CEP290: variants seen among roughly 807,000 people sequenced by gnomAD.
CEP290 encodes the protein centrosomal protein 290, also known as centrosomal protein of 290 kDa.
In CEP290, 317 loss-of-function variants were observed where a neutral mutation model predicts 344.9. That is an observed-to-expected ratio of 0.92 (90% confidence interval 0.84 to 1.01). The LOEUF (loss-of-function observed/expected upper bound fraction) is 1.01, where lower values mean the gene tolerates loss of function less well. Ranked by LOEUF, CEP290 falls within the 50% of genes least tolerant of loss-of-function variation. The pLI is 0.00. For missense variants in CEP290, 2,754 were observed against 2,761.4 expected, an observed-to-expected ratio of 1.00 and a Z score of 0.06; for synonymous variants, 932 against 895.8, an observed-to-expected ratio of 1.04 and a Z score of -0.72.
chr12:88,062,151 A>C (rs1362461009), intron 46 of CEP290, among the ~76,000 whole-genome samples: 1 of 152,194 alleles, frequency 6.6e-6, no homozygotes, highest in Non-Finnish European at 1.5e-5. Flanking sequence ...TACTACCAGA[A>C]TGACTCTGCA....
At chr12:88,084,456 G>C in intron 35 of CEP290, 130 bp downstream of exon 35, 1 of 842,720 alleles carries the variant, frequency 1.2e-6, no homozygotes, top group Non-Finnish European at 1.8e-6. Context: ...CCAATCACAT[G>C]CAAGTAACAA....
Position 88,106,658 on chromosome 12 carries a change from A to G in CEP290, c.2817+17T>C, listed in dbSNP as rs780234370. 9 of 1,562,814 alleles carry G rather than the reference A, an allele frequency of 5.8e-6. No individual in the cohort carries two copies. Among genetic ancestry groups the G allele is most frequent in the Admixed American group, 1.9e-5 (1 of 51,912 alleles). On this transcript the variant is annotated intron_variant, in intron 25 of 53. Coordinates refer to ENST00000552810, the MANE Select transcript of CEP290 (RefSeq NM_025114.4). ...ATTTTTCATAGTCAGAAAAAGCAAAATAAGAATCAGATGTACCTTAAATCT... is the reference window on the plus strand; with the variant it reads ...ATTTTTCATAGTCAGAAAAAGCAAAGTAAGAATCAGATGTACCTTAAATCT...
intron 38 of CEP290, 60 bp downstream of exon 38, chr12:88,080,122 T>C (rs2036083543): frequency 9.0e-7 from 1 of 1,110,192 alleles, no homozygotes; most frequent in African/African-American, 1.6e-5. Flanking sequence ...ACAAATCTTC[T>C]CTAAAAGCAA....
chr12:88,070,900 G>C (rs539273430), intron 43 of CEP290, among the ~76,000 whole-genome samples: 9 of 151,992 alleles, frequency 5.9e-5, no homozygotes, highest in Non-Finnish European at 1.0e-4. Flanking sequence ...TGAACTAATG[G>C]TACATAGCTC....
chr12:88,131,063 T>C (rs1444166132), intron 7 of CEP290, 102 bp downstream of exon 7: 1 of 889,170 alleles, frequency 1.1e-6, no homozygotes, highest in Non-Finnish European at 1.6e-6. Flanking sequence ...ATCAGTTACT[T>C]AGAAGACTCC....
At position 88,086,455 on chromosome 12, in the gene CEP290, T is replaced by A; in HGVS notation, c.4238A>T (p.Asp1413Val). The change falls in exon 33 of 54, where the codon GAC (aspartate) becomes GTC (valine). Residue 1413 changes from aspartate to valine, a missense_variant. Transcript: ENST00000552810. The stretch of plus-strand genomic sequence containing the variant: ...AAAAATGTCTAGTTGGCGTTCCAGG[T>A]CAACTTCTCTTTGATCCCAGGCCAT... ...RQMAWDQREVDLERQLDIFDR... is the reference protein window; with the variant it reads ...RQMAWDQREVVLERQLDIFDR... 5 of 1,600,462 alleles carry A rather than the reference T, an allele frequency of 3.1e-6. No individual in the cohort carries two copies. Among genetic ancestry groups the A allele is most frequent in the Non-Finnish European group, 4.3e-6 (5 of 1,172,100 alleles).
intron 1 of CEP290, among the ~76,000 whole-genome samples, 157 bp downstream of exon 1, chr12:88,141,743 A>G (rs1350371705): frequency 6.6e-6 from 1 of 152,148 alleles, no homozygotes; most frequent in Non-Finnish European, 1.5e-5. Context: ...ATTTGGAATG[A>G]GTGAAGTTGT....
intron 6 of CEP290, among the ~76,000 whole-genome samples, chr12:88,133,854 A>G (rs529606121): frequency 3.0e-4 from 45 of 152,324 alleles, no homozygotes; most frequent in Non-Finnish European, 4.7e-4. Flanking sequence ...TTTTACAAGA[A>G]GAGAAGCCAA....
chr12:88,089,621 T>G, intron 30 of CEP290, 134 bp from the exon 31 acceptor site: 1 of 566,796 alleles, frequency 1.8e-6, no homozygotes, highest in East Asian at 3.1e-5. Flanking sequence ...AAATGTAACT[T>G]TGCTTTAATA....
intron 19 of CEP290, 108 bp from the exon 20 acceptor site, chr12:88,114,670 A>G: frequency 1.1e-6 from 1 of 950,226 alleles, no homozygotes; most frequent in Middle Eastern, 3.4e-4. Flanking sequence ...CATTGGAAAA[A>G]TCCAAATGTA....
intron 44 of CEP290, among the ~76,000 whole-genome samples, chr12:88,066,314 T>A (rs1415986081): frequency 1.3e-5 from 2 of 152,164 alleles, no homozygotes; most frequent in Non-Finnish European, 2.9e-5. Flanking sequence ...TTGTTTGTTT[T>A]TGTTTGAGAC....
chr12:88,115,165 T>C lies in CEP290; in HGVS notation c.1842A>G (p.Arg614=). 3 of 1,478,872 alleles carry C rather than the reference T, an allele frequency of 2.0e-6. No homozygotes were observed. The highest frequency in any genetic ancestry group is 2.8e-6 in the Non-Finnish European group (3 of 1,081,256). 91.6% of individuals were successfully genotyped at this position (1,478,872 alleles called of 1,614,324 possible). A position where few individuals can be genotyped will look rare whatever the true frequency, so the allele number is the denominator to read the frequency against. ...EAQSKNEFLS[R]ELIEKERDLE... ...AATCTCTTTCTTTTTCAATTAGTTCTCTTGAAAGAAATTCATTCTGAAAAA... is the reference window on the plus strand; with the variant it reads ...AATCTCTTTCTTTTTCAATTAGTTCCCTTGAAAGAAATTCATTCTGAAAAA... Residue 614 remains arginine (R), a synonymous_variant, in exon 19 of 54, where the codon AGA becomes AGG. Coordinates refer to ENST00000552810, the MANE Select transcript of CEP290 (RefSeq NM_025114.4).
intron 44 of CEP290, 54 bp from the exon 45 acceptor site, chr12:88,064,169 A>T: frequency 7.1e-7 from 1 of 1,417,692 alleles, no homozygotes; most frequent in Non-Finnish European, 9.5e-7. Flanking sequence ...TAAAAGCCAT[A>T]AAAGACATAC....
chr12:88,114,649 A>G (rs1272336746), intron 19 of CEP290, 87 bp from the exon 20 acceptor site: 2 of 1,083,686 alleles, frequency 1.8e-6, no homozygotes, highest in Non-Finnish European at 2.5e-6. Context: ...TTTCACATAT[A>G]CCAAAGACAT....
intron 51 of CEP290, among the ~76,000 whole-genome samples, chr12:88,054,034 A>G (rs1196095145): frequency 6.6e-6 from 1 of 152,172 alleles, no homozygotes; most frequent in African/African-American, 2.4e-5. Flanking sequence ...AAGTAAAAAA[A>G]TTACTTGTTC....
Position 88,077,243 on chromosome 12 carries a change from G to T in CEP290, c.5688C>A (p.Asp1896Glu). The change falls in exon 41 of 54, where the codon GAC becomes GAA. Residue 1896 changes from aspartate (D) to glutamate (E), a missense_variant. By Grantham distance (45) the Asp-to-Glu change is conservative (BLOSUM62 2). Coordinates refer to ENST00000552810, the MANE Select transcript of CEP290 (RefSeq NM_025114.4). Reference protein sequence around the residue: ...NQLEGKVEEVDLKPMKEKNAK... With the variant: ...NQLEGKVEEVELKPMKEKNAK... Reference sequence around the variant, plus strand: ...ATACCTTTTCTTTCATAGGTTTTAGGTCTACTTCCTCCACCTTTCCCTCTA... The same window carrying T: ...ATACCTTTTCTTTCATAGGTTTTAGTTCTACTTCCTCCACCTTTCCCTCTA... 1 of 1,604,278 alleles carries T rather than the reference G, an allele frequency of 6.2e-7. No individual in the cohort carries two copies. Among genetic ancestry groups the T allele is most frequent in the South Asian group, 1.1e-5 (1 of 89,006 alleles).
intron 22 of CEP290, among the ~76,000 whole-genome samples, chr12:88,110,880 A>G (rs1402810470): frequency 6.6e-6 from 1 of 152,150 alleles, no homozygotes; most frequent in East Asian, 1.9e-4. Context: ...TGTGAACCAT[A>G]TATTTCACAT....
intron 38 of CEP290, among the ~76,000 whole-genome samples, chr12:88,079,593 G>C (rs2036039824): frequency 6.6e-6 from 1 of 151,988 alleles, no homozygotes; most frequent in African/African-American, 2.4e-5. Context: ...AATTTAGGTA[G>C]ACAACAAAAG....
chr12:88,095,334 T>G (rs993917470), intron 27 of CEP290, among the ~76,000 whole-genome samples: 2 of 151,974 alleles, frequency 1.3e-5, no homozygotes, highest in African/African-American at 4.8e-5. Flanking sequence ...AAGCTAATGA[T>G]GTGACATTTT....
Sources: gnomAD v4.1 joint callset for allele counts (sites outside exome capture counted in the v4.1 genomes callset) on GRCh38, gnomAD v4.1.1 for gene constraint, MANE v1.5 for transcripts, NCBI Gene and HGNC (gene_info 2026-07-23, HGNC 2026-07-21) for gene names.